Variants in GALNT17 observed in about 807,000 individuals in gnomAD.
GALNT17 encodes UDP-GalNAc:polypeptide N-acetylgalactosaminyltransferase-like 3.
A neutral mutation model predicts 63.7 loss-of-function variants in GALNT17; 29 were observed. That is an observed-to-expected ratio of 0.46 (90% confidence interval 0.34 to 0.62). The LOEUF (loss-of-function observed/expected upper bound fraction) is 0.62. Ranked by LOEUF, GALNT17 falls within the 20% of genes least tolerant of loss-of-function variation. The probability of loss-of-function intolerance (pLI) is 0.01; values close to 1 mark genes in which losing one functional copy is unlikely to be tolerated. For missense variants in GALNT17, 603 were observed against 799.6 expected, an observed-to-expected ratio of 0.75 and a Z score of 2.97; for synonymous variants, 305 against 318.3, an observed-to-expected ratio of 0.96 and a Z score of 0.45.
intron 5 of GALNT17, among the ~76,000 whole-genome samples, chr7:71,472,436 C>T (rs1476005121): frequency 1.9e-4 from 29 of 152,300 alleles, no homozygotes. Flanking sequence ...TGCCTGTAAT[C>T]CTGGCACTTT....
At chr7:71,476,415 G>C (rs1001620024) in intron 5 of GALNT17, among the ~76,000 whole-genome samples, 1 of 151,940 alleles carries the variant, frequency 6.6e-6, no homozygotes, top group South Asian at 2.1e-4. Context: ...CCCGGAGAGC[G>C]TGATGAGGGT....
chr7:71,249,236 G>T (rs17593900), intron 1 of GALNT17, among the ~76,000 whole-genome samples: 10,712 of 152,190 alleles, frequency 0.07, 473 homozygotes, highest in Non-Finnish European at 0.089. Context: ...TATACCTCCT[G>T]CAAGGATGTT....
At chr7:71,380,791 A>G (rs1300263304) in intron 2 of GALNT17, among the ~76,000 whole-genome samples, 2 of 152,046 alleles carry the variant, frequency 1.3e-5, no homozygotes, top group Non-Finnish European at 2.9e-5. Context: ...GCTTCCATCA[A>G]GAGAGGAGGT....
At chr7:71,411,407 A>C (rs923521951) in intron 3 of GALNT17, among the ~76,000 whole-genome samples, 1 of 152,164 alleles carries the variant, frequency 6.6e-6, no homozygotes, top group Admixed American at 6.5e-5. Context: ...GGAATGAGCC[A>C]CCGTGCCTGG....
At chr7:71,402,926 C>T (rs987134231) in intron 3 of GALNT17, among the ~76,000 whole-genome samples, 9 of 152,176 alleles carry the variant, frequency 5.9e-5, no homozygotes, top group African/African-American at 1.9e-4. Flanking sequence ...TTGAACATCA[C>T]CTGCCTTCCC....
intron 5 of GALNT17, among the ~76,000 whole-genome samples, chr7:71,519,235 G>A (rs1478282894): frequency 1.3e-5 from 2 of 152,114 alleles, no homozygotes; most frequent in African/African-American, 4.8e-5. Flanking sequence ...GGGGTAGGGA[G>A]GAGAGAGAGC....
At chr7:71,643,101 G>T (rs1389756368) in intron 6 of GALNT17, among the ~76,000 whole-genome samples, 1 of 152,082 alleles carries the variant, frequency 6.6e-6, no homozygotes, top group Non-Finnish European at 1.5e-5. Context: ...ACAAAGACCT[G>T]GGGTGGTCTC....
chr7:71,520,351 T>C (rs112829582), intron 5 of GALNT17, among the ~76,000 whole-genome samples: 8,234 of 152,092 alleles, frequency 0.054, 464 homozygotes, highest in African/African-American at 0.14. Flanking sequence ...TAGTGAAACC[T>C]TGTCTCTACT....
chr7:71,194,683 G>T (rs1323446885), intron 1 of GALNT17, among the ~76,000 whole-genome samples: 1 of 152,172 alleles, frequency 6.6e-6, no homozygotes, highest in African/African-American at 2.4e-5. Context: ...TTTCTCATCT[G>T]CAAAATTGGG....
chr7:71,434,211 T>G (rs1323185814), intron 5 of GALNT17, among the ~76,000 whole-genome samples: 1 of 152,198 alleles, frequency 6.6e-6, no homozygotes, highest in Non-Finnish European at 1.5e-5. Context: ...TTGCGGGACT[T>G]CACCTTGTGA....
At chr7:71,264,251 T>A (rs964761414) in intron 1 of GALNT17, among the ~76,000 whole-genome samples, 105 of 152,298 alleles carry the variant, frequency 6.9e-4, no homozygotes, top group African/African-American at 2.4e-3. Flanking sequence ...TTCTTTATCA[T>A]AGGCCCTCTT....
At chr7:71,616,746 A>G (rs1406029490) in intron 6 of GALNT17, among the ~76,000 whole-genome samples, 2 of 95,286 alleles carry the variant, frequency 2.1e-5, no homozygotes, top group South Asian at 8.9e-4. Context: ...TTTACATTAT[A>G]TATTATATTT....
intron 9 of GALNT17, among the ~76,000 whole-genome samples, chr7:71,692,649 T>A (rs747972084): frequency 6.6e-6 from 1 of 152,132 alleles, no homozygotes; most frequent in African/African-American, 2.4e-5. Flanking sequence ...CACATACACA[T>A]ACACATAAAA....
intron 6 of GALNT17, among the ~76,000 whole-genome samples, chr7:71,661,735 C>G (rs1790910299): frequency 6.6e-6 from 1 of 152,160 alleles, no homozygotes; most frequent in Non-Finnish European, 1.5e-5. Context: ...GGCATACCTT[C>G]AAGACATCTG....
chr7:71,641,223 G>T (rs1036957371), intron 6 of GALNT17, among the ~76,000 whole-genome samples: 1 of 152,166 alleles, frequency 6.6e-6, no homozygotes, highest in African/African-American at 2.4e-5. Flanking sequence ...ACTTCTTGGG[G>T]TATATGTGGT....
intron 3 of GALNT17, among the ~76,000 whole-genome samples, chr7:71,400,195 C>T (rs1164367183): frequency 6.6e-6 from 1 of 151,992 alleles, no homozygotes; most frequent in African/African-American, 2.4e-5. Context: ...GCTCCCCTCT[C>T]TGTGTCCGTG....
At chr7:71,384,280 C>A (rs1792899118) in intron 2 of GALNT17, among the ~76,000 whole-genome samples, 1 of 152,172 alleles carries the variant, frequency 6.6e-6, no homozygotes, top group Non-Finnish European at 1.5e-5. Flanking sequence ...GTTGTGGTAA[C>A]TGGCACATCC....
intron 1 of GALNT17, 136 bp from the exon 2 acceptor site, chr7:71,335,414 A>G (rs192161562): frequency 9.3e-6 from 8 of 863,268 alleles, no homozygotes; most frequent in Non-Finnish European, 1.3e-5. Flanking sequence ...CCTATACCTG[A>G]GTTGGATAAA....
intron 1 of GALNT17, among the ~76,000 whole-genome samples, chr7:71,228,890 G>A (rs1046028556): frequency 6.6e-6 from 1 of 152,022 alleles, no homozygotes; most frequent in African/African-American, 2.4e-5. Flanking sequence ...TCTTTGGGTG[G>A]CAGTCGTTAG....
Sources: gnomAD v4.1 joint callset for allele counts (sites outside exome capture counted in the v4.1 genomes callset) on GRCh38, gnomAD v4.1.1 for gene constraint, MANE v1.5 for transcripts, NCBI Gene and HGNC (gene_info 2026-07-23, HGNC 2026-07-21) for gene names.